Variants in IL18R1 observed in about 807,000 individuals in gnomAD.
IL18R1 encodes the protein interleukin 18 receptor 1, also known as interleukin-18 receptor 1.
IL18R1 carries 40 observed loss-of-function variants against 48.5 expected under a neutral mutation model. That is an observed-to-expected ratio of 0.82 (90% CI 0.64 to 1.07). IL18R1 has a LOEUF of 1.07. Among genes scored for constraint, IL18R1 ranks in the 50% least tolerant of loss-of-function variants. The probability of loss-of-function intolerance (pLI) is 0.00; values close to 1 mark genes in which losing one functional copy is unlikely to be tolerated. For missense variants in IL18R1, 596 were observed against 633.7 expected, an observed-to-expected ratio of 0.94 and a Z score of 0.64; for synonymous variants, 232 against 225.9, an observed-to-expected ratio of 1.03 and a Z score of -0.24.
At chr2:102,389,278 A>G (rs1475377272) in intron 8 of IL18R1, among the ~76,000 whole-genome samples, 1 of 152,196 alleles carries the variant, frequency 6.6e-6, no homozygotes, top group Non-Finnish European at 1.5e-5. Context: ...TAAGAGACAA[A>G]AAGAAAACCC....
chr2:102,361,476 G>A (rs1227072048), intron 1 of IL18R1, among the ~76,000 whole-genome samples: 1 of 152,212 alleles, frequency 6.6e-6, no homozygotes, highest in Non-Finnish European at 1.5e-5. Context: ...GATGGAAGAT[G>A]AGTAGTTGTT....
chr2:102,371,010 A>G (rs920834804), intron 3 of IL18R1, among the ~76,000 whole-genome samples: 1 of 151,268 alleles, frequency 6.6e-6, no homozygotes, highest in Non-Finnish European at 1.5e-5. Context: ...CTTCATTTAA[A>G]AAATACTGTA....
chr2:102,371,560 G>A (rs1017841168), intron 3 of IL18R1, among the ~76,000 whole-genome samples: 4 of 152,124 alleles, frequency 2.6e-5, no homozygotes, highest in African/African-American at 9.7e-5. Context: ...GGAGTTTATA[G>A]ACCTTTTGAA....
Position 102,398,137 on chromosome 2 carries a change from A to T in IL18R1, c.*1251A>T, listed in dbSNP as rs1355927217. ...GCAGTTTTGATTTGAGGAGGTTTGC[A>T]CATGTAGAGAAGCATACTGGAGAAG... On this transcript the variant is annotated 3_prime_UTR_variant, in exon 11 of 11. Transcript: ENST00000233957. The T allele has an allele frequency of 1.3e-5, 2 of 152,368 alleles. No individual in the cohort carries two copies. The highest frequency in any genetic ancestry group is 4.8e-5 in the African/African-American group (2 of 41,448). The allele number at this position is 152,368 out of a possible 1,614,324, so 9.4% of individuals were successfully genotyped here.
At chr2:102,393,554 A>G (rs545900411) in intron 9 of IL18R1, among the ~76,000 whole-genome samples, 7 of 152,358 alleles carry the variant, frequency 4.6e-5, no homozygotes, top group Non-Finnish European at 1.0e-4. Flanking sequence ...ATGTGGCACC[A>G]TAAGAGACAT....
chr2:102,373,667 C>T (rs539379718), intron 4 of IL18R1, among the ~76,000 whole-genome samples: 12 of 152,184 alleles, frequency 7.9e-5, no homozygotes, highest in Non-Finnish European at 1.5e-4. Context: ...ACATACATAG[C>T]GTGTGTGAGT....
chr2:102,374,191 T>C (rs1573202883), intron 4 of IL18R1, among the ~76,000 whole-genome samples: 1 of 152,294 alleles, frequency 6.6e-6, no homozygotes, highest in East Asian at 1.9e-4. Flanking sequence ...TGATGTAGTT[T>C]ATATGGAATA....
At chr2:102,378,051 C>T (rs1679693762) in intron 5 of IL18R1, among the ~76,000 whole-genome samples, 1 of 152,322 alleles carries the variant, frequency 6.6e-6, no homozygotes, top group East Asian at 1.9e-4. Flanking sequence ...TTTTTAATCT[C>T]ATATAAATCT....
intron 4 of IL18R1, among the ~76,000 whole-genome samples, chr2:102,374,685 G>A (rs1301648711): frequency 6.6e-6 from 1 of 152,042 alleles, no homozygotes; most frequent in Non-Finnish European, 1.5e-5. Context: ...GGCTGAGGAA[G>A]GAGAATCACT....
Position 102,388,064 on chromosome 2 carries a change from A to AACATGCAGAGACAGCCACACAC in IL18R1, c.949+1068_949+1089dup, listed in dbSNP as rs1435899061. On this transcript the variant is annotated intron_variant, in intron 8 of 10. Coordinates refer to ENST00000233957, the MANE Select transcript of IL18R1 (RefSeq NM_003855.5). ...GGAGAGATACACACAGACACACACA[A>AACATGCAGAGACAGCCACACAC]ACATGCAGAGACAGCCACACACACA... 2.6e-5 allele frequency among the ~76,000 whole-genome samples: 4 copies of AACATGCAGAGACAGCCACACAC among 152,228 alleles called. No individual in the cohort carries two copies. In the East Asian group the frequency reaches 7.7e-4, roughly 29 times the overall value.
intron 9 of IL18R1, among the ~76,000 whole-genome samples, chr2:102,393,286 T>C (rs1680646951): frequency 6.6e-6 from 1 of 152,188 alleles, no homozygotes; most frequent in Admixed American, 6.5e-5. Flanking sequence ...ACTTACTGAT[T>C]GATAACTGGT....
intron 4 of IL18R1, chr2:102,374,024 A>G (rs1261113801): frequency 2.6e-6 from 1 of 383,632 alleles, no homozygotes; most frequent in South Asian, 2.0e-5. Flanking sequence ...ATTATATATT[A>G]CAGTGTAATA....
intron 8 of IL18R1, among the ~76,000 whole-genome samples, chr2:102,387,242 G>A (rs188736243): frequency 1.1e-4 from 17 of 152,256 alleles, no homozygotes; most frequent in Admixed American, 9.2e-4. Flanking sequence ...AAATCGGGGG[G>A]CCTGAGGCTT....
chr2:102,387,677 G>A (rs1274811771), intron 8 of IL18R1, among the ~76,000 whole-genome samples: 1 of 152,130 alleles, frequency 6.6e-6, no homozygotes, highest in African/African-American at 2.4e-5. Context: ...TCATTCCCAG[G>A]CTCCACCATC....
intron 1 of IL18R1, among the ~76,000 whole-genome samples, chr2:102,361,254 G>A (rs1018494587): frequency 3.9e-5 from 6 of 152,090 alleles, no homozygotes; most frequent in Admixed American, 1.3e-4. Context: ...TAGTGGGGGA[G>A]GTTTCAAACC....
At chr2:102,394,434 A>T in intron 9 of IL18R1, 35 bp from the exon 10 acceptor site, 1 of 1,519,296 alleles carries the variant, frequency 6.6e-7, no homozygotes, top group Non-Finnish European at 9.0e-7. Flanking sequence ...AATTTTATTT[A>T]CACATGAATT....
intron 2 of IL18R1, among the ~76,000 whole-genome samples, chr2:102,364,909 C>G (rs1235766474): frequency 1.3e-5 from 2 of 152,178 alleles, no homozygotes; most frequent in African/African-American, 2.4e-5. Flanking sequence ...AGAACTCACT[C>G]ACTATCAGGA....
chr2:102,362,434 G>T (rs1157295910), intron 1 of IL18R1, among the ~76,000 whole-genome samples, 199 bp from the exon 2 acceptor site: 2 of 152,322 alleles, frequency 1.3e-5, no homozygotes, highest in East Asian at 3.9e-4. Context: ...TCTTCCAGAA[G>T]AAAAACTTCA....
At chr2:102,394,343 A>T (rs1009159059) in intron 9 of IL18R1, 126 bp from the exon 10 acceptor site, 5 of 681,000 alleles carry the variant, frequency 7.3e-6, no homozygotes, top group Non-Finnish European at 1.1e-5. Context: ...TTTAAATATA[A>T]ACAACTTTAT....
Sources: gnomAD v4.1 joint callset for allele counts (sites outside exome capture counted in the v4.1 genomes callset) on GRCh38, gnomAD v4.1.1 for gene constraint, MANE v1.5 for transcripts, NCBI Gene and HGNC (gene_info 2026-07-23, HGNC 2026-07-21) for gene names.